The following GLS variants were observed in gnomAD, a reference collection of about 807,000 sequenced individuals.
GLS encodes the protein glutaminase.
A neutral mutation model predicts 86.7 loss-of-function variants in GLS; 36 were observed. The observed-to-expected ratio is 0.42, with a 90% CI of 0.32 to 0.55. The LOEUF (loss-of-function observed/expected upper bound fraction) is 0.55. Ranked by LOEUF, GLS falls within the 20% of genes least tolerant of loss-of-function variation. The probability of loss-of-function intolerance (pLI) is 0.17; values close to 1 mark genes in which losing one functional copy is unlikely to be tolerated. For synonymous variants in GLS, 317 were observed against 305.9 expected, an observed-to-expected ratio of 1.04 and a Z score of -0.38; for missense variants, 528 against 833.4, an observed-to-expected ratio of 0.63 and a Z score of 4.51.
chr2:190,928,127 G>C (rs1384695762), intron 12 of GLS, among the ~76,000 whole-genome samples: 1 of 151,836 alleles, frequency 6.6e-6, no homozygotes, highest in Non-Finnish European at 1.5e-5. Flanking sequence ...ATCTGTATGT[G>C]CATCTGTTTC....
chr2:190,945,770 T>A (rs1690563611), intron 14 of GLS, among the ~76,000 whole-genome samples: 2 of 152,104 alleles, frequency 1.3e-5, no homozygotes, highest in Admixed American at 6.6e-5. Flanking sequence ...CATTTTGAGG[T>A]TGTATTTTTA....
At chr2:190,888,421 T>A (rs1349783234) in intron 1 of GLS, among the ~76,000 whole-genome samples, 2 of 152,208 alleles carry the variant, frequency 1.3e-5, no homozygotes, top group Admixed American at 1.3e-4. Flanking sequence ...GAGTTTAACA[T>A]TTCTTGTTCA....
chr2:190,954,199 CTG>C lies in GLS; in HGVS notation c.1713-382_1713-381del, dbSNP rs757994384. Among the ~76,000 whole-genome samples the C allele has an allele frequency of 9.2e-5, 14 of 151,808 alleles. No individual in the cohort carries two copies. The highest frequency in any genetic ancestry group is 1.5e-4 in the Non-Finnish European group (10 of 67,992). The stretch of plus-strand genomic sequence containing the variant: ...TTGAAGTCTGACAAGTACTAGTAGA[CTG>C]TGAAATGTTTAAGAATGGGAGTCTT... On this transcript the variant is annotated intron_variant, in intron 15 of 17. Coordinates refer to ENST00000320717, the MANE Select transcript of GLS (RefSeq NM_014905.5). The surrounding 1 kb of genome is among the most constrained non-coding windows in gnomAD (Gnocchi z 4.0).
rs888801982 is a variant in GLS at position 190,930,672 on chromosome 2, G to A, written c.1557+104G>A. On this transcript the variant is annotated intron_variant, in intron 13 of 17. Coordinates refer to ENST00000320717, the MANE Select transcript of GLS (RefSeq NM_014905.5). This position sits in a 1 kb window ranked among gnomAD's most constrained non-coding sequence, Gnocchi z 5.0. The stretch of plus-strand genomic sequence containing the variant: ...ATAGTTCATTAACTCTTGGCCCTCC[G>A]CCTATAGTGTGCCAGTTACTAGGGA... 4.8e-6 allele frequency: 5 copies of A among 1,048,842 alleles called. No individual in the cohort carries two copies. The highest frequency in any genetic ancestry group is 3.4e-5 in the South Asian group (2 of 58,040). The allele number at this position is 1,048,842 out of a possible 1,614,324, so 65.0% of individuals were successfully genotyped here. A position where few individuals can be genotyped will look rare whatever the true frequency, so the allele number is the denominator to read the frequency against.
At chr2:190,934,337 A>C (rs1690202111) in intron 14 of GLS, 1 of 966,500 alleles carries the variant, frequency 1.0e-6, no homozygotes, top group South Asian at 4.8e-5. Context: ...TAAGAAAAGA[A>C]ATTCCCTTCT....
intron 17 of GLS, among the ~76,000 whole-genome samples, chr2:190,957,027 A>G (rs1294514395): frequency 1.3e-5 from 2 of 152,180 alleles, no homozygotes; most frequent in African/African-American, 2.4e-5. Flanking sequence ...GGTTTTGTAA[A>G]TATACAATCA....
At chr2:190,933,786 ATTTC>A (rs1267303926) in intron 14 of GLS, 8 of 694,372 alleles carry the variant, frequency 1.2e-5, no homozygotes, top group Non-Finnish European at 1.1e-5. Flanking sequence ...AAATGCTAAT[ATTTC>A]TTTTGTGATA....
At chr2:190,899,009 A>AT (rs1688849828) in intron 3 of GLS, among the ~76,000 whole-genome samples, 1 of 152,158 alleles carries the variant, frequency 6.6e-6, no homozygotes, top group African/African-American at 2.4e-5. Flanking sequence ...AGCAGCTCTC[A>AT]TTTTTGCATT....
chr2:190,892,714 A>C (rs540074679), intron 1 of GLS, among the ~76,000 whole-genome samples: 3 of 152,150 alleles, frequency 2.0e-5, no homozygotes, highest in African/African-American at 7.2e-5. Flanking sequence ...GTTGAAGCGA[A>C]TTCATTCTCA....
chr2:190,928,447 G>T (rs1689974431), intron 12 of GLS, among the ~76,000 whole-genome samples: 4 of 150,718 alleles, frequency 2.7e-5, no homozygotes, highest in Admixed American at 2.0e-4. Context: ...CGATTCTCCT[G>T]CCTCAGCCTC....
At chr2:190,909,505 A>G (rs1689283323) in intron 6 of GLS, among the ~76,000 whole-genome samples, 1 of 152,148 alleles carries the variant, frequency 6.6e-6, no homozygotes, top group Non-Finnish European at 1.5e-5. Flanking sequence ...CACCAGGTAG[A>G]TAAATTAAGA....
chr2:190,924,909 G>A lies in GLS; in HGVS notation c.1248+316G>A, dbSNP rs532618116. On this transcript the variant is annotated intron_variant, in intron 11 of 17. Transcript: ENST00000320717. This position sits in a 1 kb window ranked among gnomAD's most constrained non-coding sequence, Gnocchi z 5.2. Reference sequence around the variant, plus strand: ...CAGCCTGGCGACACAGTGAGACTCCGTCTCAAAATAAATAAATGGATGTGT... The same window carrying A: ...CAGCCTGGCGACACAGTGAGACTCCATCTCAAAATAAATAAATGGATGTGT... 3.4e-4 allele frequency: 76 copies of A among 220,472 alleles called. No homozygotes were observed. The South Asian group carries it at 6.0e-3, about 17-fold the overall frequency. The allele number at this position is 220,472 out of a possible 1,614,324, so 13.7% of individuals were successfully genotyped here.
rs1684157805 is a variant in GLS, at chr2:190,921,754, A to G, written c.1130+551A>G. ...ATAAGAAAGCACATACAGTCTAAGA[A>G]TAAGGACATTCTCCTACATAACCAC... is the stretch of plus-strand genomic sequence containing the variant. On this transcript the variant is annotated intron_variant, in intron 9 of 17. Transcript: ENST00000320717. This position sits in a 1 kb window ranked among gnomAD's most constrained non-coding sequence, Gnocchi z 4.2. 6.6e-6 allele frequency among the ~76,000 whole-genome samples: 1 copy of G among 151,998 alleles called. No homozygotes were observed. Among genetic ancestry groups the G allele is most frequent in the Non-Finnish European group, 1.5e-5 (1 of 67,886 alleles).
At chr2:190,881,733 G>A (rs1035247334) in intron 1 of GLS, among the ~76,000 whole-genome samples, 1 of 152,176 alleles carries the variant, frequency 6.6e-6, no homozygotes, top group Non-Finnish European at 1.5e-5. Context: ...GGTGGGGCCT[G>A]ATGGGCTCGC....
chr2:190,884,144 T>C (rs755687255), intron 1 of GLS, among the ~76,000 whole-genome samples: 1 of 152,226 alleles, frequency 6.6e-6, no homozygotes, highest in African/African-American at 2.4e-5. Context: ...TCTCTCTTCT[T>C]TCCTAGTTCT....
intron 17 of GLS, among the ~76,000 whole-genome samples, chr2:190,958,471 T>G (rs1366705758): frequency 6.6e-6 from 1 of 152,168 alleles, no homozygotes; most frequent in Non-Finnish European, 1.5e-5. Flanking sequence ...CTTTTGAATT[T>G]GTTTGCTCTT....
intron 5 of GLS, among the ~76,000 whole-genome samples, chr2:190,904,327 A>G (rs988874711): frequency 6.6e-6 from 1 of 152,156 alleles, no homozygotes; most frequent in African/African-American, 2.4e-5. Context: ...TAAAAGGGCT[A>G]GTTTATTTTA....
intron 14 of GLS, among the ~76,000 whole-genome samples, chr2:190,942,067 C>CTTTTTTTTTT (rs3036653): frequency 0.021 from 792 of 38,058 alleles, 292 homozygotes; most frequent in Middle Eastern, 0.059. Context: ...ACTTTGAAGA[C>CTTTTTTTTTT]TTTTTTTTTT....
In GLS at chr2:190,964,978, A is replaced by C. The variant is rs200913982; in HGVS notation, c.*1992A>C. The C allele has an allele frequency of 1.1e-4, 17 of 152,234 alleles. No individual in the cohort carries two copies. In the East Asian group the frequency reaches 2.5e-3, roughly 22 times the overall value. The allele number at this position is 152,234 out of a possible 1,614,324, so 9.4% of individuals were successfully genotyped here. On this transcript the variant is annotated 3_prime_UTR_variant, in exon 18 of 18. Transcript: ENST00000320717. The surrounding 1 kb of genome is among the most constrained non-coding windows in gnomAD (Gnocchi z 5.2). ...TTTTCAGATCAAAACCATTCTGTAA[A>C]ATCTTTGTTGTTTAATTAAATGTGC...
Sources: gnomAD v4.1 joint callset for allele counts (sites outside exome capture counted in the v4.1 genomes callset) on GRCh38, gnomAD v4.1.1 for gene constraint, Gnocchi (gnomAD v3.1) non-coding constraint, MANE v1.5 for transcripts, NCBI Gene and HGNC (gene_info 2026-07-23, HGNC 2026-07-21) for gene names.